The following ERC1 variants were observed in gnomAD, a reference collection of about 807,000 sequenced individuals.
ERC1 encodes the protein ELKS/RAB6-interacting/CAST family member 1.
Under a neutral mutation model 132.0 loss-of-function variants are expected in ERC1, and 56 were observed. The ratio of observed to expected loss-of-function variants is 0.42; its 90% confidence interval spans 0.34 to 0.53. The LOEUF is 0.53. Ranked by LOEUF, ERC1 falls within the 20% of genes least tolerant of loss-of-function variation. ERC1 has a pLI of 0.03. For missense variants in ERC1, 1,202 were observed against 1,349.9 expected (o/e 0.89, Z 1.72); for synonymous variants, 478 against 476.1 (o/e 1.00, Z -0.05).
At chr12:1,399,655 T>G (rs1260741289) in intron 16 of ERC1, among the ~76,000 whole-genome samples, 7 of 152,240 alleles carry the variant, frequency 4.6e-5, no homozygotes, top group Non-Finnish European at 5.9e-5. Context: ...TGTTGCCTTT[T>G]GCAGGACTTC....
chr12:1,357,743 T>A (rs1377730141), intron 15 of ERC1, among the ~76,000 whole-genome samples: 1 of 152,114 alleles, frequency 6.6e-6, no homozygotes, highest in Non-Finnish European at 1.5e-5. Context: ...AAAGACAAAA[T>A]GAGAGAAAAG....
At chr12:1,015,738 C>T (rs1364852566) in intron 1 of ERC1, among the ~76,000 whole-genome samples, 8 of 152,146 alleles carry the variant, frequency 5.3e-5, no homozygotes, top group African/African-American at 1.7e-4. Flanking sequence ...ATATTTATAA[C>T]CCTTTAAGAA....
rs191846884 is a variant in ERC1 at position 1,303,282 on chromosome 12, A to T, written c.2780+13270A>T. On this transcript the variant is annotated intron_variant, in intron 15 of 18. Transcript: ENST00000360905. ...TTTCTGAAGCATGGGATGCTGTTTG[A>T]TAAGCATTTTACCCACAGTAGAACT... Among the ~76,000 whole-genome samples, 384 of 152,342 alleles carry T rather than the reference A, an allele frequency of 2.5e-3. 2 individuals are homozygous for T. The highest frequency in any genetic ancestry group is 8.6e-3 in the African/African-American group (357 of 41,592).
Position 1,027,801 on chromosome 12 carries a change from T to G in ERC1, c.-103T>G, listed in dbSNP as rs1428785709. ...GGACAGCTGGGGACCTTCTTCTGAT[T>G]AACCTTAAACCAACTTGTAGCCATA... On this transcript the variant is annotated 5_prime_UTR_variant, in exon 2 of 19. The change creates a new upstream start codon in the 5' untranslated region. Transcript: ENST00000360905. 2.0e-6 allele frequency: 2 copies of G among 983,156 alleles called. No homozygotes were observed. 60.9% of individuals were successfully genotyped at this position (983,156 alleles called of 1,614,324 possible). A position where few individuals can be genotyped will look rare whatever the true frequency, so the allele number is the denominator to read the frequency against.
At chr12:1,098,400 G>T (rs546748907) in intron 3 of ERC1, among the ~76,000 whole-genome samples, 1 of 152,210 alleles carries the variant, frequency 6.6e-6, no homozygotes, top group Non-Finnish European at 1.5e-5. Flanking sequence ...GACAAAGGAG[G>T]TGGAAGAAAG....
At chr12:1,222,218 T>TA (rs1959052681) in intron 12 of ERC1, among the ~76,000 whole-genome samples, 1 of 142,122 alleles carries the variant, frequency 7.0e-6, no homozygotes, top group East Asian at 2.0e-4. Flanking sequence ...TGAGTGTACA[T>TA]ATTCTCTTTT....
At chr12:1,038,044 CAAAAAAAAAAAAAG>C (rs1969436294) in intron 2 of ERC1, among the ~76,000 whole-genome samples, 2 of 114,770 alleles carry the variant, frequency 1.7e-5, no homozygotes, top group African/African-American at 6.5e-5. Flanking sequence ...GACTCCGTCT[CAAAAAAAAAAAAAG>C]AAAAAGAAAA....
chr12:1,419,219 T>A (rs1166349731), intron 17 of ERC1, among the ~76,000 whole-genome samples: 1 of 152,166 alleles, frequency 6.6e-6, no homozygotes, highest in African/African-American at 2.4e-5. Context: ...TTTTAAAATC[T>A]GAGTAGAAAA....
intron 1 of ERC1, among the ~76,000 whole-genome samples, chr12:994,872 G>A (rs186379508): frequency 2.6e-5 from 4 of 152,220 alleles, no homozygotes; most frequent in East Asian, 3.9e-4. Context: ...CAAGGCGGGC[G>A]GATCATGAGG....
intron 16 of ERC1, among the ~76,000 whole-genome samples, chr12:1,382,053 C>A (rs940309311): frequency 1.3e-5 from 2 of 152,124 alleles, no homozygotes; most frequent in Non-Finnish European, 2.9e-5. Context: ...CGTTCTATAA[C>A]CATTCCTGTC....
In ERC1 at chr12:1,180,696, C is replaced by T. The variant is rs1480024132; in HGVS notation, c.1875+19C>T. 1.2e-6 allele frequency: 2 copies of T among 1,613,664 alleles called. No homozygotes were observed. The highest frequency in any genetic ancestry group is 1.7e-6 in the Non-Finnish European group (2 of 1,179,872). The stretch of plus-strand genomic sequence containing the variant: ...AGAGAAAGTGAGTGGCTGGCCCCAA[C>T]TCTCCACACACGTTTTCTGCTTTCT... On this transcript the variant is annotated intron_variant, in intron 9 of 18. Coordinates refer to ENST00000360905, the MANE Select transcript of ERC1 (RefSeq NM_178040.4).
At chr12:1,204,517 G>A in intron 12 of ERC1, 2 of 1,591,096 alleles carry the variant, frequency 1.3e-6, no homozygotes, top group Middle Eastern at 1.7e-4. Context: ...CTCAAGGTCA[G>A]TATGCTTGCA....
At chr12:993,280 T>C (rs1960053980) in intron 1 of ERC1, among the ~76,000 whole-genome samples, 1 of 152,210 alleles carries the variant, frequency 6.6e-6, no homozygotes, top group Non-Finnish European at 1.5e-5. Context: ...CTTAATTAAT[T>C]GGGACAAATG....
intron 3 of ERC1, among the ~76,000 whole-genome samples, chr12:1,097,547 C>G (rs1272801033): frequency 6.6e-6 from 1 of 152,008 alleles, no homozygotes; most frequent in Non-Finnish European, 1.5e-5. Context: ...ACTCATGGCT[C>G]TCTGATAGTT....
intron 18 of ERC1, among the ~76,000 whole-genome samples, chr12:1,476,936 G>T (rs1202171706): frequency 6.6e-6 from 1 of 152,086 alleles, no homozygotes; most frequent in Admixed American, 6.5e-5. Context: ...TATTTTAGAA[G>T]AATATTTTAT....
intron 7 of ERC1, among the ~76,000 whole-genome samples, chr12:1,126,727 C>T (rs1470433488): frequency 1.3e-5 from 2 of 152,080 alleles, no homozygotes; most frequent in Admixed American, 6.5e-5. Flanking sequence ...TGGTGGCTCA[C>T]GCCTGTAATC....
At chr12:1,156,733 A>C (rs1951438344) in intron 8 of ERC1, among the ~76,000 whole-genome samples, 1 of 152,174 alleles carries the variant, frequency 6.6e-6, no homozygotes, top group African/African-American at 2.4e-5. Flanking sequence ...CTGACTTGGT[A>C]GGCAATTCTG....
chr12:1,024,040 C>T (rs77101574), intron 1 of ERC1, among the ~76,000 whole-genome samples: 3,557 of 152,158 alleles, frequency 0.023, 127 homozygotes, highest in African/African-American at 0.081. Flanking sequence ...CTTTGTTTCT[C>T]TCTTATGTAG....
intron 7 of ERC1, among the ~76,000 whole-genome samples, chr12:1,132,877 C>T (rs1391090013): frequency 4.0e-5 from 6 of 150,180 alleles, no homozygotes; most frequent in East Asian, 3.9e-4. Context: ...TTAATTGAGA[C>T]GGAGTTTCGC....
Sources: allele counts gnomAD v4.1 joint callset (sites outside exome capture counted in the v4.1 genomes callset), GRCh38; gene constraint gnomAD v4.1.1; transcripts MANE v1.5; gene names NCBI Gene and HGNC (gene_info 2026-07-23, HGNC 2026-07-21).